SEZ6L: variants seen among roughly 807,000 people sequenced by gnomAD.
SEZ6L encodes seizure 6-like protein.
Under a neutral mutation model 106.2 loss-of-function variants are expected in SEZ6L, and 37 were observed. That is an observed-to-expected ratio of 0.35 (90% CI 0.27 to 0.46). The LOEUF (loss-of-function observed/expected upper bound fraction) is 0.46, where lower values mean the gene tolerates loss of function less well. Among genes scored for constraint, SEZ6L ranks in the 20% least tolerant of loss-of-function variants. The pLI is 1.00. For synonymous variants in SEZ6L, 541 were observed against 570.4 expected, an observed-to-expected ratio of 0.95 and a Z score of 0.73; for missense variants, 1,172 against 1,332.8, an observed-to-expected ratio of 0.88 and a Z score of 1.88.
At chr22:26,300,472 A>C (rs1424898175) in intron 5 of SEZ6L, among the ~76,000 whole-genome samples, 2 of 152,160 alleles carry the variant, frequency 1.3e-5, no homozygotes, top group Non-Finnish European at 2.9e-5. Flanking sequence ...TATCCCTACA[A>C]AGGACATGAA....
chr22:26,353,681 G>A (rs1316374058), intron 12 of SEZ6L, among the ~76,000 whole-genome samples: 1 of 152,020 alleles, frequency 6.6e-6, no homozygotes, highest in African/African-American at 2.4e-5. Context: ...TAGCGTCTTC[G>A]CCATCCTAAC....
intron 1 of SEZ6L, among the ~76,000 whole-genome samples, chr22:26,235,933 G>T (rs1326008870): frequency 6.6e-6 from 1 of 152,252 alleles, no homozygotes; most frequent in East Asian, 1.9e-4. Context: ...GAAGTTTCAT[G>T]AAGCTGCATG....
At chr22:26,281,339 A>G (rs2080757213) in intron 1 of SEZ6L, among the ~76,000 whole-genome samples, 1 of 151,966 alleles carries the variant, frequency 6.6e-6, no homozygotes. Context: ...CCAGAATTGT[A>G]AGAAATAAGT....
intron 9 of SEZ6L, among the ~76,000 whole-genome samples, chr22:26,334,447 G>T (rs903713802): frequency 6.6e-6 from 1 of 152,188 alleles, no homozygotes; most frequent in African/African-American, 2.4e-5. Context: ...GTGCTGCGGC[G>T]TGGGCCAGTG....
chr22:26,369,660 A>T (rs9625022), intron 13 of SEZ6L, among the ~76,000 whole-genome samples: 30,006 of 151,122 alleles, frequency 0.2, 3,273 homozygotes, highest in Middle Eastern at 0.28. Flanking sequence ...CTAATAAGAG[A>T]ACAAGGGGTC....
intron 9 of SEZ6L, among the ~76,000 whole-genome samples, chr22:26,327,803 C>T (rs952922419): frequency 6.6e-6 from 1 of 152,232 alleles, no homozygotes; most frequent in Admixed American, 6.5e-5. Flanking sequence ...AGCTCTCGCA[C>T]CCTGACTTAG....
At chr22:26,222,838 A>G (rs1488164739) in intron 1 of SEZ6L, among the ~76,000 whole-genome samples, 1 of 152,138 alleles carries the variant, frequency 6.6e-6, no homozygotes, top group Non-Finnish European at 1.5e-5. Flanking sequence ...GTGGTTCTTA[A>G]CCAGGGGCAA....
intron 1 of SEZ6L, chr22:26,242,788 G>A (rs991419939): frequency 6.6e-6 from 1 of 152,178 alleles, no homozygotes; most frequent in East Asian, 1.9e-4. Flanking sequence ...CTCTTGCCAG[G>A]CAGTGGTCAA....
chr22:26,248,199 C>T (rs1158457667), intron 1 of SEZ6L, among the ~76,000 whole-genome samples: 1 of 152,190 alleles, frequency 6.6e-6, no homozygotes, highest in East Asian at 1.9e-4. Context: ...TTCAGAATGC[C>T]TCCAGTGTCA....
chr22:26,285,725 A>G (rs1017554734), intron 1 of SEZ6L, among the ~76,000 whole-genome samples: 2 of 152,224 alleles, frequency 1.3e-5, no homozygotes, highest in Non-Finnish European at 2.9e-5. Flanking sequence ...CTAGATGTCA[A>G]AGGCATAAAA....
intron 1 of SEZ6L, among the ~76,000 whole-genome samples, chr22:26,191,563 C>G (rs572777019): frequency 1.1e-5 from 1 of 91,128 alleles, no homozygotes. Flanking sequence ...TGGTGGAGAA[C>G]AAAACACACT....
intron 12 of SEZ6L, among the ~76,000 whole-genome samples, chr22:26,361,516 A>ATAT (rs1007423921): frequency 2.2e-5 from 3 of 136,908 alleles, no homozygotes; most frequent in South Asian, 2.9e-4. Flanking sequence ...CAAAAAAAAA[A>ATAT]AAAAATATAT....
chr22:26,323,372 C>T (rs1399783073), intron 9 of SEZ6L, among the ~76,000 whole-genome samples: 2 of 152,178 alleles, frequency 1.3e-5, no homozygotes, highest in Non-Finnish European at 2.9e-5. Flanking sequence ...GTGGCTCATG[C>T]GTGTAATCCC....
Position 26,313,843 on chromosome 22 carries a change from A to T in SEZ6L, c.1956A>T (p.Glu652Asp). ...GGCCCGAGCCCTACGTGGAAGGTGAAGATTGTATCTGGAAGATCCACGTGG... is the reference window on the plus strand; with the variant it reads ...GGCCCGAGCCCTACGTGGAAGGTGATGATTGTATCTGGAAGATCCACGTGG... ...PNWPEPYVEG[E>D]DCIWKIHVGE... is the part of the protein sequence containing the mutation. The change falls in exon 9 of 17, where the codon GAA becomes GAT. Residue 652 changes from glutamate to aspartate, a missense_variant. Glu to Asp is a conservative substitution (Grantham distance 45). Transcript: ENST00000248933. 7 of 1,613,270 alleles carry T rather than the reference A, an allele frequency of 4.3e-6. No individual in the cohort carries two copies. The highest frequency in any genetic ancestry group is 5.9e-6 in the Non-Finnish European group (7 of 1,179,258).
At chr22:26,313,571 T>TACAC (rs56086023) in intron 8 of SEZ6L, among the ~76,000 whole-genome samples, 193 bp from the exon 9 acceptor site, 1,363 of 103,828 alleles carry the variant, frequency 0.013, 26 homozygotes, top group African/African-American at 0.055. Context: ...ATTTAATCAT[T>TACAC]ACACACACAC....
At chr22:26,351,755 C>A (rs962537086) in intron 12 of SEZ6L, among the ~76,000 whole-genome samples, 4 of 152,100 alleles carry the variant, frequency 2.6e-5, no homozygotes, top group African/African-American at 9.7e-5. Context: ...CCATGTTGGC[C>A]AGGCTGGTCT....
intron 9 of SEZ6L, among the ~76,000 whole-genome samples, chr22:26,334,824 G>C (rs1267603453): frequency 6.6e-6 from 1 of 152,160 alleles, no homozygotes; most frequent in East Asian, 1.9e-4. Context: ...GTCTGGTCTT[G>C]GGAAGCTTTG....
At chr22:26,301,652 AGCGAAGG>A (rs2081458414) in intron 5 of SEZ6L, among the ~76,000 whole-genome samples, 1 of 151,940 alleles carries the variant, frequency 6.6e-6, no homozygotes, top group East Asian at 1.9e-4. Flanking sequence ...GACAGTGATG[AGCGAAGG>A]GTCAGGGAAG....
intron 1 of SEZ6L, among the ~76,000 whole-genome samples, chr22:26,269,720 C>G (rs2080302764): frequency 6.6e-6 from 1 of 152,208 alleles, no homozygotes; most frequent in South Asian, 2.1e-4. Context: ...GTTATCCTGC[C>G]TGTCACAGAA....
Sources: allele counts gnomAD v4.1 joint callset (sites outside exome capture counted in the v4.1 genomes callset), GRCh38; gene constraint gnomAD v4.1.1; transcripts MANE v1.5; gene names NCBI Gene and HGNC (gene_info 2026-07-23, HGNC 2026-07-21).